The following MGST1 variants were observed in gnomAD, a reference collection of about 807,000 sequenced individuals.
The protein encoded by MGST1 is microsomal glutathione S-transferase 1.
Under a neutral mutation model 8.9 loss-of-function variants are expected in MGST1, and 5 were observed. The observed-to-expected ratio is 0.56, with a 90% CI of 0.29 to 1.19. The LOEUF is 1.19. Among genes scored for constraint, MGST1 ranks in the 50% most tolerant of loss-of-function variants. The probability of loss-of-function intolerance (pLI) is 0.08; values close to 1 mark genes in which losing one functional copy is unlikely to be tolerated. For missense variants in MGST1, 182 were observed against 187.4 expected (o/e 0.97, Z 0.17); for synonymous variants, 54 against 67.8 (o/e 0.80, Z 1.00).
chr12:16,527,285 A>G (rs1941693533), intron 4 of MGST1, among the ~76,000 whole-genome samples: 1 of 152,044 alleles, frequency 6.6e-6, no homozygotes, highest in Non-Finnish European at 1.5e-5. Context: ...GCTCTGGACA[A>G]TCCACAATTT....
At chr12:16,353,019 C>A (rs1308602297) in intron 1 of MGST1, among the ~76,000 whole-genome samples, 1 of 151,868 alleles carries the variant, frequency 6.6e-6, no homozygotes, top group Non-Finnish European at 1.5e-5. Flanking sequence ...AAGTTAGAAG[C>A]TATTACTATT....
intron 1 of MGST1, among the ~76,000 whole-genome samples, chr12:16,432,059 T>A (rs1188244672): frequency 6.6e-6 from 1 of 152,196 alleles, no homozygotes; most frequent in African/African-American, 2.4e-5. Flanking sequence ...TGATGTGGTC[T>A]ATGCATTCCA....
At chr12:16,581,871 T>A (rs1163042078) in intron 4 of MGST1, among the ~76,000 whole-genome samples, 2 of 152,142 alleles carry the variant, frequency 1.3e-5, no homozygotes, top group Admixed American at 1.3e-4. Context: ...AATAAAACTA[T>A]AAATTTGATT....
At chr12:16,407,842 G>T (rs570201964) in intron 1 of MGST1, among the ~76,000 whole-genome samples, 1 of 152,006 alleles carries the variant, frequency 6.6e-6, no homozygotes, top group South Asian at 2.1e-4. Flanking sequence ...GACCATCCTG[G>T]CCAACGTGGT....
At chr12:16,528,706 A>G (rs983035938) in intron 4 of MGST1, among the ~76,000 whole-genome samples, 30 of 152,032 alleles carry the variant, frequency 2.0e-4, no homozygotes, top group African/African-American at 6.0e-4. Context: ...CGACAATAAT[A>G]GTGAGGCCTA....
At chr12:16,419,267 T>C (rs1940812914) in intron 1 of MGST1, among the ~76,000 whole-genome samples, 1 of 150,528 alleles carries the variant, frequency 6.6e-6, no homozygotes, top group Non-Finnish European at 1.5e-5. Flanking sequence ...AGCCTACCTC[T>C]TCTTAAAATA....
rs1416969730 is a variant in MGST1 at position 16,558,812 on chromosome 12, A to T, written n.483-30716A>T. Among the ~76,000 whole-genome samples the T allele has an allele frequency of 2.0e-5, 3 of 152,186 alleles. No homozygotes were observed. The East Asian group carries it at 5.8e-4, about 29-fold the overall frequency. On this transcript the variant is annotated intron_variant and non_coding_transcript_variant, in intron 4 of 4. Transcript: ENST00000538857. Reference sequence around the variant, plus strand: ...TGGAATATTATTTGGTAAATTATAAAGATAACTAACTTTTGAGAACCTGTT... The same window carrying T: ...TGGAATATTATTTGGTAAATTATAATGATAACTAACTTTTGAGAACCTGTT...
intron 2 of MGST1, among the ~76,000 whole-genome samples, chr12:16,356,919 G>A (rs1340652043): frequency 6.6e-6 from 1 of 152,142 alleles, no homozygotes; most frequent in African/African-American, 2.4e-5. Flanking sequence ...TGAGCCAATC[G>A]CTTGGAAATG....
intron 1 of MGST1, among the ~76,000 whole-genome samples, chr12:16,384,624 C>T (rs867523104): frequency 9.8e-5 from 15 of 152,308 alleles, no homozygotes; most frequent in East Asian, 1.9e-4. Context: ...TGTTTTAAGC[C>T]GCTAAGTTTG....
chr12:16,551,629 A>T (rs901973241), intron 4 of MGST1, among the ~76,000 whole-genome samples: 7 of 151,932 alleles, frequency 4.6e-5, no homozygotes, highest in Admixed American at 2.0e-4. Flanking sequence ...AAAGAAAAAA[A>T]ATAAAAAGAA....
chr12:16,430,613 ATTT>A (rs35209608), intron 1 of MGST1, among the ~76,000 whole-genome samples: 3 of 151,062 alleles, frequency 2.0e-5, no homozygotes, highest in African/African-American at 7.3e-5. Context: ...TTTGAAAGAA[ATTT>A]TTTTTTTCTG....
At chr12:16,415,349 T>C (rs1411645466) in intron 1 of MGST1, among the ~76,000 whole-genome samples, 1 of 151,338 alleles carries the variant, frequency 6.6e-6, no homozygotes, top group Non-Finnish European at 1.5e-5. Context: ...TATTTACTCA[T>C]CTGATTTCCA....
intron 2 of MGST1, among the ~76,000 whole-genome samples, chr12:16,357,201 C>T (rs1409348567): frequency 6.6e-6 from 1 of 152,156 alleles, no homozygotes; most frequent in East Asian, 1.9e-4. Context: ...GTCTATATTT[C>T]TTCCACTAAA....
At chr12:16,590,316 ATT>A (rs1218994922), downstream of MGST1, among the ~76,000 whole-genome samples, 1 of 152,082 alleles carries the variant, frequency 6.6e-6, no homozygotes, top group African/African-American at 2.4e-5. Context: ...CTCATGTAAC[ATT>A]TGTCTCATCA....
At chr12:16,391,092 C>T (rs1284832818) in intron 1 of MGST1, among the ~76,000 whole-genome samples, 10 of 150,922 alleles carry the variant, frequency 6.6e-5, no homozygotes, top group Non-Finnish European at 5.9e-5. Flanking sequence ...GCTTGTTGGC[C>T]AGATGTATGT....
At chr12:16,400,562 G>A (rs998773846) in intron 1 of MGST1, 33 of 906,472 alleles carry the variant, frequency 3.6e-5, no homozygotes, top group South Asian at 7.8e-5. Flanking sequence ...TTAATAATTC[G>A]GAAAGCATTC....
At chr12:16,351,981 T>G (rs1240878441) in intron 1 of MGST1, among the ~76,000 whole-genome samples, 2 of 152,200 alleles carry the variant, frequency 1.3e-5, no homozygotes, top group Non-Finnish European at 2.9e-5. Context: ...TCACTTAATG[T>G]CAATTGAATT....
At chr12:16,395,026 T>G (rs1033473946) in intron 1 of MGST1, among the ~76,000 whole-genome samples, 10 of 152,098 alleles carry the variant, frequency 6.6e-5, no homozygotes, top group African/African-American at 2.4e-4. Flanking sequence ...ACAATTTTTT[T>G]GATAAGGTTT....
rs146318532 is a variant in MGST1, at chr12:16,537,111, G to C, written n.483-52417G>C. 6.6e-6 allele frequency among the ~76,000 whole-genome samples: 1 copy of C among 152,152 alleles called. No individual in the cohort carries two copies. Among genetic ancestry groups the C allele is most frequent in the Non-Finnish European group, 1.5e-5 (1 of 68,034 alleles). On this transcript the variant is annotated intron_variant and non_coding_transcript_variant, in intron 4 of 4. Coordinates refer to the MGST1 transcript ENST00000538857. This position sits in a 1 kb window ranked among gnomAD's most constrained non-coding sequence, Gnocchi z 4.6. Reference sequence around the variant, plus strand: ...GTTAGTTACTTCCTAGATACAACGGGGATACAGGTATTGGGTAAATACAGC... The same window carrying C: ...GTTAGTTACTTCCTAGATACAACGGCGATACAGGTATTGGGTAAATACAGC...
Sources: gnomAD v4.1 joint callset for allele counts (sites outside exome capture counted in the v4.1 genomes callset) on GRCh38, gnomAD v4.1.1 for gene constraint, Gnocchi (gnomAD v3.1) non-coding constraint, MANE v1.5 for transcripts, NCBI Gene and HGNC (gene_info 2026-07-23, HGNC 2026-07-21) for gene names.